RASD2: variants seen among roughly 807,000 people sequenced by gnomAD.
The protein encoded by RASD2 is GTP-binding protein Rhes.
RASD2 carries 7 observed loss-of-function variants against 15.8 expected under a neutral mutation model. That is an observed-to-expected ratio of 0.44 (90% CI 0.25 to 0.83). The LOEUF is 0.83. RASD2 is among the 40% of genes least tolerant of loss of function. RASD2 has a pLI of 0.20. For synonymous variants in RASD2, 155 were observed against 153.6 expected, an observed-to-expected ratio of 1.01 and a Z score of -0.07; for missense variants, 274 against 382.8, an observed-to-expected ratio of 0.72 and a Z score of 2.37.
chr22:35,548,656 A>G lies in RASD2; in HGVS notation c.271+1576A>G, dbSNP rs202106052. On this transcript the variant is annotated intron_variant, in intron 2 of 2. Transcript: ENST00000216127. ...CCCCTCCTTGAGTGCTTTCTCTTCC[A>G]GGCTGGCTTTTCCGAGCATCTGACC... 7.9e-4 allele frequency among the ~76,000 whole-genome samples: 120 copies of G among 152,318 alleles called. 1 individual carries two copies. The East Asian group carries it at 0.011, about 14-fold the overall frequency.
chr22:35,544,086 A>G (rs561912800), intron 1 of RASD2, among the ~76,000 whole-genome samples: 65 of 152,212 alleles, frequency 4.3e-4, no homozygotes, highest in African/African-American at 1.4e-3. Flanking sequence ...AGTCATTGCT[A>G]TCAACTCGTC....
the RASD2 span, among the ~76,000 whole-genome samples, chr22:35,532,997 T>C: frequency 3.9e-5 from 6 of 152,168 alleles, no homozygotes; most frequent in Non-Finnish European, 7.3e-5. Context: ...GCTGACTGAC[T>C]TTGCCCAGTT....
upstream of RASD2, among the ~76,000 whole-genome samples, chr22:35,536,773 C>T (rs1305907634): frequency 6.6e-6 from 1 of 152,214 alleles, no homozygotes; most frequent in African/African-American, 2.4e-5. Flanking sequence ...TGGCCTCACT[C>T]CCAAAGCTTC....
At chr22:35,538,254 G>A (rs1251400892), upstream of RASD2, among the ~76,000 whole-genome samples, 3 of 152,146 alleles carry the variant, frequency 2.0e-5, no homozygotes, top group East Asian at 1.9e-4. Flanking sequence ...TTATAGGCGT[G>A]AGCCACCACA....
upstream of RASD2, among the ~76,000 whole-genome samples, chr22:35,540,556 C>G (rs2145866151): frequency 6.6e-6 from 1 of 151,690 alleles, no homozygotes; most frequent in East Asian, 1.9e-4. Flanking sequence ...AGGTGGGCGA[C>G]GCTCGCAGGG....
rs918068025 is a variant in RASD2 at position 35,551,144 on chromosome 22, G to T, written c.272-359G>T. Reference sequence around the variant, plus strand: ...GACAGGCAGGACCCCTGCTCTCATAGAAATGATTTTTATTATTATCTGAAC... The same window carrying T: ...GACAGGCAGGACCCCTGCTCTCATATAAATGATTTTTATTATTATCTGAAC... On this transcript the variant is annotated intron_variant, in intron 2 of 2. Transcript: ENST00000216127. This position sits in a 1 kb window ranked among gnomAD's most constrained non-coding sequence, Gnocchi z 4.9. Among the ~76,000 whole-genome samples the T allele has an allele frequency of 6.6e-5, 10 of 152,192 alleles. No homozygotes were observed. Among genetic ancestry groups the T allele is most frequent in the African/African-American group, 2.2e-4 (9 of 41,444 alleles).
At chr22:35,549,568 A>G (rs1261393874) in intron 2 of RASD2, among the ~76,000 whole-genome samples, 2 of 152,148 alleles carry the variant, frequency 1.3e-5, no homozygotes, top group African/African-American at 4.8e-5. Context: ...CCAAGCAGGA[A>G]GAGTTGCCAA....
upstream of RASD2, among the ~76,000 whole-genome samples, chr22:35,537,668 C>T (rs1416499630): frequency 2.6e-5 from 4 of 152,174 alleles, no homozygotes; most frequent in African/African-American, 9.7e-5. Context: ...AGGAGATTCA[C>T]ACCATTAGAA....
At chr22:35,547,207 T>G in intron 2 of RASD2, 127 bp downstream of exon 2, 1 of 1,235,422 alleles carries the variant, frequency 8.1e-7, no homozygotes, top group Non-Finnish European at 1.1e-6. Flanking sequence ...CCCTGCACAA[T>G]GAGGCTCAGA....
intron 1 of RASD2, among the ~76,000 whole-genome samples, chr22:35,546,539 A>G (rs1191207543): frequency 6.6e-6 from 1 of 152,198 alleles, no homozygotes; most frequent in African/African-American, 2.4e-5. Context: ...CAAGGCAAGG[A>G]TTCAAATCCC....
In RASD2 at chr22:35,551,670, C is replaced by G. The variant is rs753393411; in HGVS notation, c.439C>G (p.Leu147Val). 1 of 1,614,046 alleles carries G rather than the reference C, an allele frequency of 6.2e-7. No individual in the cohort carries two copies. The highest frequency in any genetic ancestry group is 1.1e-5 in the South Asian group (1 of 91,082). ...TGGCAACAAGAACGACCACGGCGAGCTGTGCCGCCAGGTGCCCACCACCGA... is the reference window on the plus strand; with the variant it reads ...TGGCAACAAGAACGACCACGGCGAGGTGTGCCGCCAGGTGCCCACCACCGA... ...ICGNKNDHGE[L>V]CRQVPTTEAE... is the part of the protein sequence containing the mutation. The change falls in exon 3 of 3, where the codon CTG becomes GTG. Residue 147 changes from leucine (L) to valine (V), a missense_variant. Physicochemically the swap from Leu to Val is conservative, Grantham distance 32 (BLOSUM62 1). Coordinates refer to ENST00000216127, the MANE Select transcript of RASD2 (RefSeq NM_014310.4). This position sits in a 1 kb window ranked among gnomAD's most constrained non-coding sequence, Gnocchi z 4.9.
chr22:35,546,676 C>T (rs1934510740), intron 1 of RASD2, 125 bp from the exon 2 acceptor site: 1 of 1,319,068 alleles, frequency 7.6e-7, no homozygotes, highest in African/African-American at 1.5e-5. Context: ...CCCCTTAGAA[C>T]CTCGTCTGAT....
At chr22:35,544,984 G>A (rs1271455302) in intron 1 of RASD2, among the ~76,000 whole-genome samples, 1 of 152,196 alleles carries the variant, frequency 6.6e-6, no homozygotes, top group Non-Finnish European at 1.5e-5. Context: ...GGGCTCAAGT[G>A]GCAGCAGTTG....
upstream of RASD2, among the ~76,000 whole-genome samples, chr22:35,537,111 T>C (rs1189365990): frequency 6.6e-6 from 1 of 152,188 alleles, no homozygotes. Flanking sequence ...TAATTTCTCT[T>C]GGACCCCAGC....
chr22:35,543,196 C>G (rs975659512), intron 1 of RASD2, among the ~76,000 whole-genome samples: 1 of 152,156 alleles, frequency 6.6e-6, no homozygotes, highest in Non-Finnish European at 1.5e-5. Flanking sequence ...ACTGTGCCCC[C>G]AGGATGGCGT....
chr22:35,553,916 G>A lies in RASD2; in HGVS notation c.*1884G>A, dbSNP rs114024285. 0.017 allele frequency: 2,606 copies of A among 152,882 alleles called. 70 individuals are homozygous for A. Among genetic ancestry groups the A allele is most frequent in the African/African-American group, 0.06 (2,477 of 41,542 alleles). The allele number at this position is 152,882 out of a possible 1,614,324, so 9.5% of individuals were successfully genotyped here. A position where few individuals can be genotyped will look rare whatever the true frequency, so the allele number is the denominator to read the frequency against. The stretch of plus-strand genomic sequence containing the variant: ...CAGACCAGGTACCTTGGCTGCACCG[G>A]TGTGTGGCCCGCTCTCACCCAGGCA... On this transcript the variant is annotated 3_prime_UTR_variant, in exon 3 of 3. Transcript: ENST00000216127.
intron 2 of RASD2, among the ~76,000 whole-genome samples, chr22:35,548,645 C>T (rs1186142389): frequency 2.0e-5 from 3 of 152,250 alleles, no homozygotes; most frequent in Non-Finnish European, 1.5e-5. Context: ...TCCTTGAGTG[C>T]TTTCTCTTCC....
At chr22:35,543,577 G>A (rs1223614067) in intron 1 of RASD2, among the ~76,000 whole-genome samples, 1 of 152,218 alleles carries the variant, frequency 6.6e-6, no homozygotes, top group Admixed American at 6.5e-5. Flanking sequence ...CACCTCTGGG[G>A]GAAGAGAGGG....
intron 1 of RASD2, 92 bp from the exon 2 acceptor site, chr22:35,546,709 A>C: frequency 6.8e-7 from 1 of 1,465,022 alleles, no homozygotes; most frequent in Non-Finnish European, 9.0e-7. Context: ...CAGACAGAAA[A>C]CTGAGTCCTA....
Sources: allele counts gnomAD v4.1 joint callset (sites outside exome capture counted in the v4.1 genomes callset), GRCh38; gene constraint gnomAD v4.1.1; non-coding constraint Gnocchi (gnomAD v3.1); transcripts MANE v1.5; gene names NCBI Gene and HGNC (gene_info 2026-07-23, HGNC 2026-07-21).